NFAM1: variants seen among roughly 807,000 people sequenced by gnomAD.
The protein encoded by NFAM1 is NFAT activating protein with ITAM motif 1, also known as NFAT activation molecule 1.
NFAM1 carries 17 observed loss-of-function variants against 29.0 expected under a neutral mutation model. The observed-to-expected ratio is 0.59, with a 90% CI of 0.40 to 0.88. The LOEUF (loss-of-function observed/expected upper bound fraction) is 0.88. Ranked by LOEUF, NFAM1 falls within the 40% of genes least tolerant of loss-of-function variation. NFAM1 has a pLI of 0.00. For synonymous variants in NFAM1, 175 were observed against 147.2 expected (o/e 1.19, Z -1.36); for missense variants, 324 against 344.6 (o/e 0.94, Z 0.47).
rs1928909291 is a variant in NFAM1, at chr22:42,380,565, G to A, written c.*4596C>T. On this transcript the variant is annotated 3_prime_UTR_variant, in exon 6 of 6. Transcript: ENST00000329021. ...GGCTGAGGCCATCATTCTGACCACA[G>A]GTCAGGGAAGGGAGACTGGGGAAGC... 6.6e-6 allele frequency: 1 copy of A among 152,608 alleles called. No homozygotes were observed. Among genetic ancestry groups the A allele is most frequent in the African/African-American group, 2.4e-5 (1 of 41,450 alleles). 9.5% of individuals were successfully genotyped at this position (152,608 alleles called of 1,614,324 possible).
At chr22:42,434,999 C>T (rs533113449), upstream of NFAM1, among the ~76,000 whole-genome samples, 1 of 152,246 alleles carries the variant, frequency 6.6e-6, no homozygotes, top group Non-Finnish European at 1.5e-5. Flanking sequence ...CCCTGGGAAG[C>T]CTAGGGGCAC....
intron 1 of NFAM1, among the ~76,000 whole-genome samples, chr22:42,414,379 G>A (rs1829669981): frequency 6.6e-6 from 1 of 151,964 alleles, no homozygotes; most frequent in Non-Finnish European, 1.5e-5. Flanking sequence ...TTCAGGGCAC[G>A]GACTTATCCG....
At chr22:42,431,582 G>T (rs1449030697) in intron 1 of NFAM1, among the ~76,000 whole-genome samples, 2 of 152,148 alleles carry the variant, frequency 1.3e-5, no homozygotes, top group Non-Finnish European at 1.5e-5. Flanking sequence ...CCCACAGCTT[G>T]GCTCGGATCC....
intron 1 of NFAM1, among the ~76,000 whole-genome samples, chr22:42,422,406 G>A (rs1335992070): frequency 6.6e-6 from 1 of 151,826 alleles, no homozygotes; most frequent in East Asian, 1.9e-4. Flanking sequence ...AGTAGTTCGA[G>A]ACCAGACTGG....
intron 1 of NFAM1, among the ~76,000 whole-genome samples, chr22:42,418,941 C>T (rs1601756784): frequency 6.6e-6 from 1 of 152,208 alleles, no homozygotes; most frequent in Admixed American, 6.5e-5. Context: ...TCCAGCTGCT[C>T]TTCTCCCACC....
chr22:42,420,021 T>TTTTTTTTTTTTG (rs1930392545), intron 1 of NFAM1, among the ~76,000 whole-genome samples: 1 of 100,266 alleles, frequency 1.0e-5, no homozygotes, highest in Non-Finnish European at 1.9e-5. Context: ...TTTTTTTTTT[T>TTTTTTTTTTTTG]TTTTTCTGAG....
chr22:42,432,593 C>T (rs1376387710), upstream of NFAM1, among the ~76,000 whole-genome samples: 1 of 152,198 alleles, frequency 6.6e-6, no homozygotes, highest in Non-Finnish European at 1.5e-5. Flanking sequence ...AGCCTCCCCA[C>T]TCCAACCCCT....
intron 1 of NFAM1, among the ~76,000 whole-genome samples, chr22:42,416,052 G>T (rs1283674225): frequency 6.6e-6 from 1 of 152,132 alleles, no homozygotes; most frequent in African/African-American, 2.4e-5. Flanking sequence ...TGACCCAGAA[G>T]TAGGAACCCA....
upstream of NFAM1, among the ~76,000 whole-genome samples, chr22:42,433,865 G>A (rs1376787015): frequency 6.6e-6 from 1 of 152,178 alleles, no homozygotes; most frequent in Admixed American, 6.5e-5. Flanking sequence ...GGTTGTCTAA[G>A]CACCTTGATG....
intron 4 of NFAM1, among the ~76,000 whole-genome samples, chr22:42,391,166 T>G (rs970173647): frequency 1.3e-5 from 2 of 152,188 alleles, no homozygotes; most frequent in Non-Finnish European, 2.9e-5. Flanking sequence ...GCGGAGGGGC[T>G]GCTCTCCCAG....
At position 42,397,953 on chromosome 22, in the gene NFAM1, G is replaced by A. The variant is rs760703576; in HGVS notation, c.568C>T (p.Arg190Trp). The A allele has an allele frequency of 2.9e-5, 46 of 1,579,738 alleles. No homozygotes were observed. The highest frequency in any genetic ancestry group is 1.6e-4 in the African/African-American group (12 of 73,790). The change falls in exon 4 of 6, where the codon CGG becomes TGG. Residue 190 changes from arginine to tryptophan, a missense_variant. Transcript: ENST00000329021. Reference sequence around the variant, plus strand: ...GGGTCCTTCCCTGGACCCCGCATCCGCTTCTGTAGGGAGAAAGGAGTCAGG... The same window carrying A: ...GGGTCCTTCCCTGGACCCCGCATCCACTTCTGTAGGGAGAAAGGAGTCAGG... The part of the protein sequence containing the change: ...GTALLLWNKK[R>W]MRGPGKDPTR...
At chr22:42,422,218 CA>C (rs1161485898) in intron 1 of NFAM1, among the ~76,000 whole-genome samples, 2 of 152,182 alleles carry the variant, frequency 1.3e-5, no homozygotes, top group Non-Finnish European at 2.9e-5. Context: ...CTCGGGGACA[CA>C]AACCAAGTGC....
intron 1 of NFAM1, among the ~76,000 whole-genome samples, chr22:42,422,180 AC>A (rs1184130360): frequency 6.6e-6 from 1 of 151,964 alleles, no homozygotes; most frequent in East Asian, 1.9e-4. Flanking sequence ...ATGCCTCTAG[AC>A]CCCCGAACCA....
chr22:42,400,718 G>C (rs1234314833), intron 3 of NFAM1, among the ~76,000 whole-genome samples: 2 of 152,232 alleles, frequency 1.3e-5, no homozygotes, highest in Non-Finnish European at 2.9e-5. Flanking sequence ...CTCAAATCCA[G>C]GGCTGCCTCC....
chr22:42,430,245 G>A (rs1025690707), intron 1 of NFAM1, among the ~76,000 whole-genome samples: 5 of 150,444 alleles, frequency 3.3e-5, no homozygotes, highest in South Asian at 2.1e-4. Flanking sequence ...CCTGGTGGAC[G>A]GAGCGAGACC....
rs1465261835 is a variant in NFAM1, at chr22:42,419,989, GGTTTTTTTTTTTTTT to G, written c.122-8268_122-8254del. Among the ~76,000 whole-genome samples the G allele has an allele frequency of 4.8e-4, 27 of 56,526 alleles. 2 individuals are homozygous for G. The highest frequency in any genetic ancestry group is 5.2e-4 in the African/African-American group (7 of 13,498). 37.1% of individuals were successfully genotyped at this position (56,526 alleles called of 152,430 possible). On this transcript the variant is annotated intron_variant, in intron 1 of 5. Transcript: ENST00000329021. The surrounding 1 kb of genome is among the most constrained non-coding windows in gnomAD (Gnocchi z 4.5). ...CCTTTGAGTCTGTAATCCCACTCTT[GGTTTTTTTTTTTTTT>G]TTTTTTTTTTTTTTTTTTTTTTCTG...
chr22:42,385,348 C>T lies in NFAM1; in HGVS notation c.754-128G>A, dbSNP rs1455757225. 3 of 719,008 alleles carry T rather than the reference C, an allele frequency of 4.2e-6. No homozygotes were observed. In the African/African-American group the frequency reaches 5.2e-5, roughly 12 times the overall value. 44.5% of individuals were successfully genotyped at this position (719,008 alleles called of 1,614,324 possible). Reference sequence around the variant, plus strand: ...CTTCCTGTGTAGCTTTGATGGGGGGCCTGCCCTCTGTCTCCAAGCCCACCT... The same window carrying T: ...CTTCCTGTGTAGCTTTGATGGGGGGTCTGCCCTCTGTCTCCAAGCCCACCT... On this transcript the variant is annotated intron_variant, in intron 5 of 5. Transcript: ENST00000329021.
rs543526891 is a variant in NFAM1, at chr22:42,388,813, C to T, written c.664-1735G>A. On this transcript the variant is annotated intron_variant, in intron 4 of 5. Transcript: ENST00000329021. The surrounding 1 kb of genome is among the most constrained non-coding windows in gnomAD (Gnocchi z 4.1). ...AAGGGGTCTCTGAGCCAGAAACAGG[C>T]TGGGTCTGGGGAGAGGGGCTTCCAA... 1.3e-4 allele frequency among the ~76,000 whole-genome samples: 20 copies of T among 152,194 alleles called. No homozygotes were observed. Among genetic ancestry groups the T allele is most frequent in the Non-Finnish European group, 1.3e-4 (9 of 68,028 alleles).
intron 1 of NFAM1, among the ~76,000 whole-genome samples, chr22:42,422,412 A>C (rs6002733): frequency 0.69 from 104,544 of 151,770 alleles, 37,633 homozygotes; most frequent in African/African-American, 0.91. Context: ...TCGAGACCAG[A>C]CTGGCCAACA....
Sources: gnomAD v4.1 joint callset for allele counts (sites outside exome capture counted in the v4.1 genomes callset) on GRCh38, gnomAD v4.1.1 for gene constraint, Gnocchi (gnomAD v3.1) non-coding constraint, MANE v1.5 for transcripts, NCBI Gene and HGNC (gene_info 2026-07-23, HGNC 2026-07-21) for gene names.